The following SCLT1 variants were observed in gnomAD, a reference collection of about 807,000 sequenced individuals.
The protein encoded by SCLT1 is sodium channel and clathrin linker 1.
A neutral mutation model predicts 112.8 loss-of-function variants in SCLT1; 78 were observed. The ratio of observed to expected loss-of-function variants is 0.69; its 90% confidence interval spans 0.58 to 0.83. The LOEUF (loss-of-function observed/expected upper bound fraction) is 0.83, where lower values mean the gene tolerates loss of function less well. SCLT1 is among the 40% of genes least tolerant of loss of function. The pLI is 0.00. For synonymous variants in SCLT1, 257 were observed against 254.7 expected, an observed-to-expected ratio of 1.01 and a Z score of -0.09; for missense variants, 747 against 770.4, an observed-to-expected ratio of 0.97 and a Z score of 0.36.
chr4:128,984,305 G>A (rs185162532), intron 9 of SCLT1, among the ~76,000 whole-genome samples: 27 of 152,174 alleles, frequency 1.8e-4, no homozygotes, highest in African/African-American at 5.8e-4. Flanking sequence ...CCTCACTGCT[G>A]TGAATACTGT....
In SCLT1 at chr4:128,957,021, C is replaced by T; in HGVS notation, c.1146+5G>A. On this transcript the variant is annotated splice_donor_5th_base_variant and intron_variant, in intron 13 of 20. Coordinates refer to ENST00000281142, the MANE Select transcript of SCLT1 (RefSeq NM_144643.4). The stretch of plus-strand genomic sequence containing the variant: ...TGAATTTTAAATATAATTAAAAATC[C>T]TTACTTCTTTCTTGGTTCTTATGGT... 6.8e-7 allele frequency: 1 copy of T among 1,463,404 alleles called. No individual in the cohort carries two copies. Among genetic ancestry groups the T allele is most frequent in the Non-Finnish European group, 9.3e-7 (1 of 1,072,508 alleles). The allele number at this position is 1,463,404 out of a possible 1,614,324, so 90.7% of individuals were successfully genotyped here. A position where few individuals can be genotyped will look rare whatever the true frequency, so the allele number is the denominator to read the frequency against.
At chr4:129,068,811 C>T (rs1370633762) in intron 2 of SCLT1, among the ~76,000 whole-genome samples, 1 of 152,146 alleles carries the variant, frequency 6.6e-6, no homozygotes, top group Non-Finnish European at 1.5e-5. Flanking sequence ...TTTTTAATTG[C>T]ATTTGCTTTT....
At chr4:128,994,040 A>C (rs1391056113) in intron 8 of SCLT1, among the ~76,000 whole-genome samples, 1 of 152,156 alleles carries the variant, frequency 6.6e-6, no homozygotes, top group African/African-American at 2.4e-5. Flanking sequence ...AAGAATACTT[A>C]CATGAGTTAT....
intron 2 of SCLT1, among the ~76,000 whole-genome samples, chr4:129,046,420 T>C (rs1191034960): frequency 6.6e-6 from 1 of 152,094 alleles, no homozygotes; most frequent in Non-Finnish European, 1.5e-5. Context: ...TATAAAAATA[T>C]AACCACACAG....
At chr4:128,883,913 T>C (rs1279906528), downstream of SCLT1, 4 of 152,206 alleles carry the variant, frequency 2.6e-5, no homozygotes, top group Admixed American at 2.6e-4. Flanking sequence ...AATTCTTAAA[T>C]ATCAAGTTCC....
At chr4:129,004,881 T>TA (rs1743852621) in intron 5 of SCLT1, among the ~76,000 whole-genome samples, 1 of 151,586 alleles carries the variant, frequency 6.6e-6, no homozygotes, top group South Asian at 2.1e-4. Context: ...ATTCTCTAAT[T>TA]AAAAAACTTA....
At chr4:128,904,306 A>G (rs1279497328) in intron 18 of SCLT1, among the ~76,000 whole-genome samples, 7 of 152,166 alleles carry the variant, frequency 4.6e-5, no homozygotes, top group Non-Finnish European at 1.0e-4. Context: ...TAGTTCACTT[A>G]TATAATTCAT....
intron 5 of SCLT1, among the ~76,000 whole-genome samples, chr4:129,006,929 C>T (rs1051188772): frequency 1.1e-4 from 17 of 152,172 alleles, no homozygotes; most frequent in Non-Finnish European, 1.6e-4. Flanking sequence ...TTAGTGGCAA[C>T]GCCGACGTTA....
intron 13 of SCLT1, among the ~76,000 whole-genome samples, chr4:128,956,066 A>T (rs1739190117): frequency 6.6e-6 from 1 of 152,222 alleles, no homozygotes; most frequent in African/African-American, 2.4e-5. Context: ...ATATTTGAAT[A>T]GGGAAATAAT....
In SCLT1 at chr4:129,043,983, A is replaced by G; in HGVS notation, c.161+10T>C. On this transcript the variant is annotated intron_variant, in intron 3 of 20. Coordinates refer to ENST00000281142, the MANE Select transcript of SCLT1 (RefSeq NM_144643.4). ...ACGAAGAAAATGATATTATTCTGGT[A>G]ATACTTTACCTTTGGTCAAATACTA... 1 of 1,329,912 alleles carries G rather than the reference A, an allele frequency of 7.5e-7. No individual in the cohort carries two copies. The highest frequency in any genetic ancestry group is 1.9e-5 in the Admixed American group (1 of 53,952). The allele number at this position is 1,329,912 out of a possible 1,614,324, so 82.4% of individuals were successfully genotyped here. A position where few individuals can be genotyped will look rare whatever the true frequency, so the allele number is the denominator to read the frequency against.
At chr4:129,012,704 G>T (rs1259361930) in intron 5 of SCLT1, among the ~76,000 whole-genome samples, 1 of 151,748 alleles carries the variant, frequency 6.6e-6, no homozygotes, top group Non-Finnish European at 1.5e-5. Context: ...GCGTGCTCCT[G>T]TGTTGGGTAC....
intron 18 of SCLT1, among the ~76,000 whole-genome samples, chr4:128,929,820 A>G (rs984896580): frequency 6.6e-6 from 1 of 152,200 alleles, no homozygotes; most frequent in African/African-American, 2.4e-5. Context: ...ACTTGCATCT[A>G]TCCTGTGTTG....
chr4:129,049,373 G>T (rs1051050415), intron 2 of SCLT1, among the ~76,000 whole-genome samples: 3 of 150,282 alleles, frequency 2.0e-5, no homozygotes, highest in East Asian at 2.0e-4. Context: ...GCAAACTATC[G>T]CAAGGACAAA....
At chr4:129,056,332 A>G (rs1749387733) in intron 2 of SCLT1, among the ~76,000 whole-genome samples, 1 of 151,914 alleles carries the variant, frequency 6.6e-6, no homozygotes, top group Non-Finnish European at 1.5e-5. Flanking sequence ...GTTGGCTGTA[A>G]ATTTTGATTC....
chr4:128,878,365 GATAGTTC>G (rs1732568413), intron 3 of SCLT1, among the ~76,000 whole-genome samples: 1 of 152,138 alleles, frequency 6.6e-6, no homozygotes, highest in Non-Finnish European at 1.5e-5. Flanking sequence ...TGGGGTGATT[GATAGTTC>G]TAACTTCAGG....
intron 17 of SCLT1, among the ~76,000 whole-genome samples, chr4:128,940,302 A>AT (rs545329468): frequency 1.5e-3 from 222 of 152,102 alleles, no homozygotes; most frequent in Non-Finnish European, 2.5e-3. Context: ...CCCACCCATG[A>AT]TTAAAAAAAA....
intron 18 of SCLT1, among the ~76,000 whole-genome samples, chr4:128,909,868 CTG>C (rs1455482772): frequency 5.3e-5 from 8 of 152,150 alleles, no homozygotes; most frequent in African/African-American, 1.7e-4. Flanking sequence ...AGAGAAAAGA[CTG>C]TGAAAAATCT....
intron 2 of SCLT1, among the ~76,000 whole-genome samples, chr4:129,069,503 T>TTTTA (rs35442325): frequency 0.72 from 108,934 of 151,304 alleles, 41,254 homozygotes; most frequent in South Asian, 0.89. Context: ...TTCCTAAGCA[T>TTTTA]TTTATTTATT....
chr4:129,049,910 C>T (rs914134027), intron 2 of SCLT1, among the ~76,000 whole-genome samples: 3 of 152,088 alleles, frequency 2.0e-5, no homozygotes, highest in African/African-American at 7.2e-5. Context: ...CACAGACAGG[C>T]CCTGGTGTGT....
Sources: gnomAD v4.1 joint callset for allele counts (sites outside exome capture counted in the v4.1 genomes callset) on GRCh38, gnomAD v4.1.1 for gene constraint, MANE v1.5 for transcripts, NCBI Gene and HGNC (gene_info 2026-07-23, HGNC 2026-07-21) for gene names.